The following OR2L13 variants were observed in gnomAD, a reference collection of about 807,000 sequenced individuals.
OR2L13 encodes olfactory receptor family 2 subfamily L member 13.
A neutral mutation model predicts 15.3 loss-of-function variants in OR2L13; 14 were observed. The ratio of observed to expected loss-of-function variants is 0.91; its 90% CI spans 0.60 to 1.43. The LOEUF (loss-of-function observed/expected upper bound fraction) is 1.43. Ranked by LOEUF, OR2L13 falls within the 40% of genes most tolerant of loss-of-function variation. OR2L13 has a pLI of 0.00. For synonymous variants in OR2L13, 152 were observed against 142.9 expected, an observed-to-expected ratio of 1.06 and a Z score of -0.45; for missense variants, 367 against 387.9, an observed-to-expected ratio of 0.95 and a Z score of 0.45.
At chr1:247,978,480 G>A in the OR2L13 span, among the ~76,000 whole-genome samples, 1 of 152,102 alleles carries the variant, frequency 6.6e-6, no homozygotes, top group Admixed American at 6.5e-5. Flanking sequence ...TTGTATTTGG[G>A]CTTCTTTTTA....
upstream of OR2L13, among the ~76,000 whole-genome samples, chr1:248,094,368 G>A (rs560836155): frequency 6.6e-6 from 1 of 152,264 alleles, no homozygotes; most frequent in South Asian, 2.1e-4. Flanking sequence ...GTTAACCAAT[G>A]TATGGATTAA....
chr1:247,939,946 C>A, the OR2L13 span, among the ~76,000 whole-genome samples: 1 of 152,088 alleles, frequency 6.6e-6, no homozygotes, highest in Admixed American at 6.5e-5. Context: ...ACAATCAAAC[C>A]ATTATATTAA....
the OR2L13 span, among the ~76,000 whole-genome samples, chr1:248,071,248 T>A: frequency 6.7e-4 from 102 of 152,132 alleles, no homozygotes; most frequent in African/African-American, 2.4e-3. Context: ...GCAAACCGAA[T>A]CCAGCAGCAC....
chr1:248,038,198 G>T, the OR2L13 span: 2 of 1,119,458 alleles, frequency 1.8e-6, no homozygotes, highest in African/African-American at 1.6e-5. Context: ...CAGCCACTGT[G>T]GATAAAAGTG....
the OR2L13 span, among the ~76,000 whole-genome samples, chr1:248,089,505 A>G: frequency 3.3e-5 from 5 of 152,170 alleles, no homozygotes; most frequent in Non-Finnish European, 5.9e-5. Context: ...GTGCAGAGAT[A>G]AAGGAAAAGC....
the OR2L13 span, chr1:247,965,713 C>T: frequency 1.3e-6 from 2 of 1,555,684 alleles, no homozygotes; most frequent in Admixed American, 3.9e-5. Flanking sequence ...AACTGAAGCC[C>T]TTCTCCTTGG....
the OR2L13 span, among the ~76,000 whole-genome samples, chr1:247,938,806 G>A: frequency 6.6e-6 from 1 of 152,296 alleles, no homozygotes; most frequent in East Asian, 1.9e-4. Flanking sequence ...CATACCTAAA[G>A]TACTGCACAT....
chr1:248,052,077 T>G, the OR2L13 span, among the ~76,000 whole-genome samples: 2 of 152,226 alleles, frequency 1.3e-5, no homozygotes, highest in East Asian at 3.8e-4. Flanking sequence ...GAAACTCCAC[T>G]GCAAGTTGAG....
chr1:248,019,764 C>G, the OR2L13 span, among the ~76,000 whole-genome samples: 6 of 148,470 alleles, frequency 4.0e-5, no homozygotes, highest in African/African-American at 1.5e-4. Context: ...CCTTCTTCTT[C>G]TTCTTTGTCT....
chr1:248,046,292 C>T, the OR2L13 span, among the ~76,000 whole-genome samples: 2 of 152,012 alleles, frequency 1.3e-5, no homozygotes, highest in African/African-American at 4.8e-5. Context: ...CCCATGTATG[C>T]GATATTTTAA....
the OR2L13 span, among the ~76,000 whole-genome samples, chr1:247,968,751 A>C: frequency 6.6e-6 from 1 of 151,748 alleles, no homozygotes; most frequent in Non-Finnish European, 1.5e-5. Flanking sequence ...TCATTGATGG[A>C]CATTTGGGTT....
At chr1:247,956,304 T>A in the OR2L13 span, among the ~76,000 whole-genome samples, 1 of 151,978 alleles carries the variant, frequency 6.6e-6, no homozygotes. Flanking sequence ...TTGGTCTATA[T>A]CTCTGTTTTG....
the OR2L13 span, among the ~76,000 whole-genome samples, chr1:248,010,394 A>G: frequency 6.6e-6 from 1 of 152,122 alleles, no homozygotes; most frequent in Admixed American, 6.5e-5. Flanking sequence ...AGAAGAATGT[A>G]TATTCTGTTG....
chr1:248,099,086 C>T (rs1664792139), intron 2 of OR2L13, among the ~76,000 whole-genome samples: 1 of 152,142 alleles, frequency 6.6e-6, no homozygotes, highest in Non-Finnish European at 1.5e-5. Context: ...TTCTACTGCT[C>T]ACACTGGCTT....
At chr1:247,973,629 A>G in the OR2L13 span, among the ~76,000 whole-genome samples, 1 of 152,142 alleles carries the variant, frequency 6.6e-6, no homozygotes, top group Non-Finnish European at 1.5e-5. Flanking sequence ...ATATGAACAG[A>G]CACTTCCCAA....
At chr1:248,038,523 T>G in the OR2L13 span, 2 of 1,614,190 alleles carry the variant, frequency 1.2e-6, no homozygotes, top group Non-Finnish European at 1.7e-6. Context: ...TGATTTTCTG[T>G]ATGGAAACAA....
At chr1:247,975,098 G>T in the OR2L13 span, 1 of 359,064 alleles carries the variant, frequency 2.8e-6, no homozygotes, top group South Asian at 2.8e-5. Flanking sequence ...AATGGCCTGT[G>T]ATCATTATGT....
At chr1:248,038,853 A>T in the OR2L13 span, 5 of 1,614,158 alleles carry the variant, frequency 3.1e-6, no homozygotes, top group South Asian at 1.1e-5. Flanking sequence ...GGTCTATGAG[A>T]GCACAGTGTT....
chr1:248,004,189 A>T, the OR2L13 span: 6 of 785,744 alleles, frequency 7.6e-6, no homozygotes, highest in African/African-American at 1.0e-4. Context: ...AGAAGAAAAA[A>T]AAATCACTGA....
Sources: allele counts gnomAD v4.1 joint callset (sites outside exome capture counted in the v4.1 genomes callset), GRCh38; gene constraint gnomAD v4.1.1; transcripts MANE v1.5; gene names NCBI Gene and HGNC (gene_info 2026-07-23, HGNC 2026-07-21).